The following PDE4D variants were observed in gnomAD, a reference collection of about 807,000 sequenced individuals.
PDE4D encodes the protein phosphodiesterase 4D.
In PDE4D, 24 loss-of-function variants were observed where a neutral mutation model predicts 87.4. The observed-to-expected ratio is 0.27, with a 90% CI of 0.20 to 0.39. The LOEUF (loss-of-function observed/expected upper bound fraction) is 0.39. Ranked by LOEUF, PDE4D falls within the 10% of genes least tolerant of loss-of-function variation. The pLI is 1.00. For synonymous variants in PDE4D, 384 were observed against 383.2 expected (o/e 1.00, Z -0.02); for missense variants, 714 against 1,041.0 (o/e 0.69, Z 4.32).
chr5:60,159,434 T>C (rs1782284558), intron 2 of PDE4D, among the ~76,000 whole-genome samples: 1 of 152,224 alleles, frequency 6.6e-6, no homozygotes, highest in South Asian at 2.1e-4. Flanking sequence ...TTATTATCAG[T>C]AATTCTTGTC....
chr5:59,578,202 G>A (rs1363598098), intron 1 of PDE4D, among the ~76,000 whole-genome samples: 1 of 152,102 alleles, frequency 6.6e-6, no homozygotes, highest in Non-Finnish European at 1.5e-5. Context: ...TAAAGCTTCT[G>A]TTTGTCACCC....
intron 2 of PDE4D, among the ~76,000 whole-genome samples, chr5:60,139,821 T>A (rs1436461557): frequency 6.6e-6 from 1 of 152,068 alleles, no homozygotes; most frequent in Non-Finnish European, 1.5e-5. Context: ...TATGCAAGAA[T>A]CCACATTGAA....
intron 1 of PDE4D, among the ~76,000 whole-genome samples, chr5:60,463,280 C>T (rs13176438): frequency 0.075 from 11,378 of 152,166 alleles, 589 homozygotes; most frequent in Non-Finnish European, 0.11. Flanking sequence ...ACATCCTTGG[C>T]GTCTAGTTAA....
intron 5 of PDE4D, among the ~76,000 whole-genome samples, chr5:59,140,865 G>A (rs1777785832): frequency 6.6e-6 from 1 of 151,216 alleles, no homozygotes; most frequent in Admixed American, 6.6e-5. Context: ...TAGGGCCAAG[G>A]AGACAATCCT....
chr5:60,117,125 A>G (rs1778243413), intron 2 of PDE4D, among the ~76,000 whole-genome samples: 1 of 152,042 alleles, frequency 6.6e-6, no homozygotes, highest in South Asian at 2.1e-4. Flanking sequence ...TGTTGATATA[A>G]CTTTATATTC....
intron 3 of PDE4D, among the ~76,000 whole-genome samples, chr5:59,929,676 A>C (rs1755680993): frequency 2.0e-5 from 3 of 152,216 alleles, no homozygotes; most frequent in Admixed American, 2.0e-4. Context: ...TCATCTGTGA[A>C]ATACTTCTTA....
intron 2 of PDE4D, among the ~76,000 whole-genome samples, chr5:60,095,205 C>G (rs1423020656): frequency 6.6e-6 from 1 of 152,124 alleles, no homozygotes; most frequent in African/African-American, 2.4e-5. Flanking sequence ...CTCCAGCCCC[C>G]TCACCCTCTA....
chr5:59,786,529 G>A (rs911393241), intron 1 of PDE4D, among the ~76,000 whole-genome samples: 6 of 152,202 alleles, frequency 3.9e-5, no homozygotes, highest in Non-Finnish European at 5.9e-5. Context: ...GAGTGATGAT[G>A]AAGCACTTGG....
chr5:59,695,512 C>A (rs954149305), intron 1 of PDE4D, among the ~76,000 whole-genome samples: 1 of 152,196 alleles, frequency 6.6e-6, no homozygotes, highest in African/African-American at 2.4e-5. Context: ...GCCCTAGCAA[C>A]TCTCTGCATG....
intron 3 of PDE4D, chr5:59,986,544 T>C (rs1762474080): frequency 6.6e-6 from 1 of 152,230 alleles, no homozygotes; most frequent in Non-Finnish European, 1.5e-5. Context: ...TAATTTTAAT[T>C]ATAATCTCTT....
chr5:60,077,730 C>T lies in PDE4D; in HGVS notation c.43-89013G>A, dbSNP rs145811744. Among the ~76,000 whole-genome samples, 10 of 152,350 alleles carry T rather than the reference C, an allele frequency of 6.6e-5. No homozygotes were observed. The East Asian group carries it at 1.9e-3, about 29-fold the overall frequency. ...GTGCTCCCACTCCAAACCCTTTGGG[C>T]TCTGCACTGGCTGGACTTCTGTCCC... On this transcript the variant is annotated intron_variant, in intron 2 of 16. Transcript: ENST00000502484.
chr5:60,040,791 C>T (rs778149051), intron 2 of PDE4D, among the ~76,000 whole-genome samples: 1 of 152,110 alleles, frequency 6.6e-6, no homozygotes, highest in Non-Finnish European at 1.5e-5. Flanking sequence ...CAGACATAAA[C>T]TATTATTACC....
intron 5 of PDE4D, among the ~76,000 whole-genome samples, chr5:59,134,916 T>A (rs1347911810): frequency 1.3e-5 from 2 of 152,230 alleles, no homozygotes; most frequent in East Asian, 1.9e-4. Flanking sequence ...TTATGACTAC[T>A]TTCTGAAAAG....
intron 1 of PDE4D, among the ~76,000 whole-genome samples, chr5:59,443,109 C>T (rs1797878801): frequency 6.6e-6 from 1 of 152,172 alleles, no homozygotes; most frequent in Non-Finnish European, 1.5e-5. Context: ...ACAATAAATT[C>T]TCAGTCAATG....
intron 1 of PDE4D, among the ~76,000 whole-genome samples, chr5:60,206,677 C>CATAAAA: frequency 6.6e-6 from 1 of 152,198 alleles, no homozygotes; most frequent in East Asian, 1.9e-4. Context: ...GAAGGATCTG[C>CATAAAA]TGCTGGATAA....
intron 2 of PDE4D, among the ~76,000 whole-genome samples, chr5:60,071,205 T>G (rs1262926761): frequency 6.6e-6 from 1 of 152,022 alleles, no homozygotes; most frequent in African/African-American, 2.4e-5. Context: ...TGCTCAAATC[T>G]TTGTTAATTC....
chr5:59,108,928 T>TA lies in PDE4D; in HGVS notation c.809-69958dup, dbSNP rs1263624327. 2.7e-5 allele frequency among the ~76,000 whole-genome samples: 3 copies of TA among 109,934 alleles called. No homozygotes were observed. In the Admixed American group the frequency reaches 2.8e-4, roughly 10 times the overall value. 72.1% of individuals were successfully genotyped at this position (109,934 alleles called of 152,430 possible). A position where few individuals can be genotyped will look rare whatever the true frequency, so the allele number is the denominator to read the frequency against. On this transcript the variant is annotated intron_variant, in intron 5 of 14. Coordinates refer to ENST00000340635, the MANE Select transcript of PDE4D (RefSeq NM_001104631.2). ...TCTCAAAAAAAAAAAAGAAAGAAATTAAAAAAAACAAATTCATAGGAACTC... is the reference window on the plus strand; with the variant it reads ...TCTCAAAAAAAAAAAAGAAAGAAATTAAAAAAAAACAAATTCATAGGAACTC...
chr5:60,224,457 A>T (rs923648023), intron 1 of PDE4D, among the ~76,000 whole-genome samples: 4 of 152,044 alleles, frequency 2.6e-5, no homozygotes, highest in African/African-American at 9.7e-5. Flanking sequence ...CCCTTGGGTC[A>T]CTTGGTGGTG....
chr5:59,615,200 T>C (rs909670632), intron 1 of PDE4D, among the ~76,000 whole-genome samples: 10 of 152,168 alleles, frequency 6.6e-5, no homozygotes, highest in African/African-American at 2.4e-4. Context: ...AATATATATA[T>C]ACATATGTTA....
Sources: allele counts gnomAD v4.1 joint callset (sites outside exome capture counted in the v4.1 genomes callset), GRCh38; gene constraint gnomAD v4.1.1; transcripts MANE v1.5; gene names NCBI Gene and HGNC (gene_info 2026-07-23, HGNC 2026-07-21).